METTL8: variants seen among roughly 807,000 people sequenced by gnomAD.
METTL8 encodes the protein methyltransferase 8, tRNA N3-cytidine.
METTL8 carries 32 observed loss-of-function variants against 48.7 expected under a neutral mutation model. That is an observed-to-expected ratio of 0.66 (90% CI 0.50 to 0.88). The LOEUF is 0.88. Ranked by LOEUF, METTL8 falls within the 40% of genes least tolerant of loss-of-function variation. The probability of loss-of-function intolerance (pLI) is 0.00; values close to 1 mark genes in which losing one functional copy is unlikely to be tolerated. For missense variants in METTL8, 464 were observed against 474.4 expected, an observed-to-expected ratio of 0.98 and a Z score of 0.20; for synonymous variants, 136 against 157.1, an observed-to-expected ratio of 0.87 and a Z score of 1.01.
chr2:171,393,123 A>G (rs28608023), intron 1 of METTL8, among the ~76,000 whole-genome samples: 9,634 of 151,710 alleles, frequency 0.064, 349 homozygotes, highest in African/African-American at 0.1. Context: ...AAAACAAAAC[A>G]AAAATGCATG....
At chr2:171,360,601 A>G (rs1362020363) in intron 2 of METTL8, 88 bp from the exon 3 acceptor site, 2 of 1,128,936 alleles carry the variant, frequency 1.8e-6, no homozygotes, top group Admixed American at 2.2e-5. Flanking sequence ...TTCATTCTAG[A>G]TTAGCTGAAG....
intron 2 of METTL8, 38 bp downstream of exon 2, chr2:171,392,005 G>C (rs1276836539): frequency 1.3e-6 from 2 of 1,522,086 alleles, no homozygotes; most frequent in East Asian, 4.9e-5. Flanking sequence ...TGATATTTAA[G>C]AAACACACAT....
At chr2:171,378,218 C>T (rs111890644) in intron 2 of METTL8, among the ~76,000 whole-genome samples, 2,506 of 152,244 alleles carry the variant, frequency 0.016, 59 homozygotes, top group African/African-American at 0.057. Context: ...CATACATAGG[C>T]TCAAAATAAA....
At chr2:171,412,518 C>G (rs552836078) in intron 1 of METTL8, among the ~76,000 whole-genome samples, 12 of 152,114 alleles carry the variant, frequency 7.9e-5, no homozygotes, top group Non-Finnish European at 1.5e-4. Context: ...ACCCTACCCC[C>G]CTTTAGGCAG....
intron 3 of METTL8, among the ~76,000 whole-genome samples, chr2:171,354,478 T>C (rs1158989808): frequency 6.6e-6 from 1 of 152,218 alleles, no homozygotes; most frequent in Admixed American, 6.5e-5. Context: ...TGGCGTTCTC[T>C]GTATTTCCTG....
intron 2 of METTL8, among the ~76,000 whole-genome samples, chr2:171,361,193 G>C (rs1285009200): frequency 6.6e-6 from 1 of 151,236 alleles, no homozygotes; most frequent in East Asian, 1.9e-4. Context: ...TCTTGGAATA[G>C]AAGCGACAAC....
chr2:171,396,115 T>C (rs537887608), intron 1 of METTL8, among the ~76,000 whole-genome samples: 1 of 150,972 alleles, frequency 6.6e-6, no homozygotes, highest in African/African-American at 2.4e-5. Context: ...CTACTAAAAA[T>C]CCAAAAAAAA....
At chr2:171,400,265 AC>A (rs1444254260) in intron 1 of METTL8, among the ~76,000 whole-genome samples, 1 of 152,164 alleles carries the variant, frequency 6.6e-6, no homozygotes, top group African/African-American at 2.4e-5. Context: ...TCCACATTCT[AC>A]CTTTTTGGAT....
chr2:171,338,640 CAAA>C (rs759525102), intron 4 of METTL8, among the ~76,000 whole-genome samples: 5 of 65,428 alleles, frequency 7.6e-5, no homozygotes, highest in Admixed American at 3.3e-4. Context: ...AAGTCTGTCT[CAAA>C]AAAAAAAAAA....
intron 1 of METTL8, among the ~76,000 whole-genome samples, chr2:171,419,569 T>C (rs969203362): frequency 1.3e-4 from 20 of 152,206 alleles, no homozygotes; most frequent in African/African-American, 4.8e-4. Flanking sequence ...CTTTATCAAC[T>C]GCAGTATAGT....
At chr2:171,337,158 T>C (rs1259590484) in intron 5 of METTL8, among the ~76,000 whole-genome samples, 4 of 152,176 alleles carry the variant, frequency 2.6e-5, no homozygotes, top group Non-Finnish European at 5.9e-5. Context: ...TGAGCCACCA[T>C]GCCCAGTCTG....
chr2:171,360,441 T>G lies in METTL8; in HGVS notation c.216A>C (p.Arg72=), dbSNP rs556040561. The change falls in exon 3 of 10, where the codon CGA becomes CGC. Residue 72 remains arginine (R), a synonymous_variant. Coordinates refer to ENST00000375258, the MANE Select transcript of METTL8 (RefSeq NM_001321154.2). ...RKKVKENSAV[R]VLLEEQVKYE... ...GACTACCTTGCTCTTCCAGAAGGAC[T>G]CGCACAGCTGAGTTTTCTTTTACTT... The G allele has an allele frequency of 4.3e-6, 7 of 1,613,906 alleles. No individual in the cohort carries two copies. In the African/African-American group the frequency reaches 9.3e-5, roughly 22 times the overall value.
intron 2 of METTL8, among the ~76,000 whole-genome samples, chr2:171,383,994 T>C (rs749087302): frequency 6.6e-5 from 10 of 152,196 alleles, no homozygotes; most frequent in Non-Finnish European, 1.0e-4. Context: ...CCCATGTTCA[T>C]AGCAGAACTA....
chr2:171,388,298 C>T (rs1265842134), intron 2 of METTL8, among the ~76,000 whole-genome samples: 1 of 152,152 alleles, frequency 6.6e-6, no homozygotes, highest in East Asian at 1.9e-4. Flanking sequence ...ACACTTAATA[C>T]ACTAAATATA....
At chr2:171,370,230 T>C (rs1686179250) in intron 2 of METTL8, among the ~76,000 whole-genome samples, 1 of 152,146 alleles carries the variant, frequency 6.6e-6, no homozygotes, top group East Asian at 1.9e-4. Context: ...TTTCTTTCTG[T>C]TTTCTTTGGT....
chr2:171,390,979 T>G (rs533414454), intron 2 of METTL8, among the ~76,000 whole-genome samples: 1 of 152,342 alleles, frequency 6.6e-6, no homozygotes, highest in East Asian at 1.9e-4. Context: ...AGTTCTACTG[T>G]AGGTAAAATG....
intron 1 of METTL8, among the ~76,000 whole-genome samples, chr2:171,410,843 A>G (rs940082990): frequency 1.3e-5 from 2 of 152,240 alleles, no homozygotes; most frequent in Non-Finnish European, 2.9e-5. Flanking sequence ...AGTCTTAAGC[A>G]GTCATACCTC....
chr2:171,322,473 A>T lies in METTL8; in HGVS notation c.*1699T>A, dbSNP rs923593568. The T allele has an allele frequency of 6.6e-6, 1 of 151,286 alleles. No individual in the cohort carries two copies. Among genetic ancestry groups the T allele is most frequent in the Non-Finnish European group, 1.5e-5 (1 of 67,898 alleles). The allele number at this position is 151,286 out of a possible 1,614,324, so 9.4% of individuals were successfully genotyped here. ...AAGAATAGGCTGGGCGCGGTGGCTC[A>T]CACCTGTAATCCCAGCACTTTGGGA... On this transcript the variant is annotated 3_prime_UTR_variant, in exon 10 of 10. Transcript: ENST00000375258.
rs987034495 is a variant in METTL8, at chr2:171,319,717, C to T, written c.*4455G>A. Reference sequence around the variant, plus strand: ...CAAATGTGTCATACCGAATGCAAAACTTTTAATAATAGAAACTGTTATCTT... The same window carrying T: ...CAAATGTGTCATACCGAATGCAAAATTTTTAATAATAGAAACTGTTATCTT... On this transcript the variant is annotated 3_prime_UTR_variant, in exon 10 of 10. Coordinates refer to ENST00000375258, the MANE Select transcript of METTL8 (RefSeq NM_001321154.2). The T allele has an allele frequency of 2.0e-5, 3 of 152,178 alleles. No homozygotes were observed. The highest frequency in any genetic ancestry group is 7.2e-5 in the African/African-American group (3 of 41,438). The allele number at this position is 152,178 out of a possible 1,614,324, so 9.4% of individuals were successfully genotyped here. A position where few individuals can be genotyped will look rare whatever the true frequency, so the allele number is the denominator to read the frequency against.
Sources: gnomAD v4.1 joint callset for allele counts (sites outside exome capture counted in the v4.1 genomes callset) on GRCh38, gnomAD v4.1.1 for gene constraint, MANE v1.5 for transcripts, NCBI Gene and HGNC (gene_info 2026-07-23, HGNC 2026-07-21) for gene names.